The following STARD10 variants were observed in gnomAD, a reference collection of about 807,000 sequenced individuals.
STARD10 encodes the protein StAR related lipid transfer domain containing 10, also known as START domain-containing protein 10.
Under a neutral mutation model 36.0 loss-of-function variants are expected in STARD10, and 24 were observed. The ratio of observed to expected loss-of-function variants is 0.67; its 90% CI spans 0.48 to 0.94. STARD10 has a LOEUF of 0.94. Ranked by LOEUF, STARD10 falls within the 40% of genes least tolerant of loss-of-function variation. The pLI, the probability that STARD10 is intolerant of heterozygous loss-of-function variation, is 0.00. For synonymous variants in STARD10, 156 were observed against 161.9 expected (o/e 0.96, Z 0.28); for missense variants, 335 against 396.6 (o/e 0.84, Z 1.32).
chr11:72,784,167 T>C (rs1565244975), intron 1 of STARD10, among the ~76,000 whole-genome samples: 1 of 152,140 alleles, frequency 6.6e-6, no homozygotes, highest in Non-Finnish European at 1.5e-5. Context: ...CAAAGCCCAT[T>C]CATATCCTTC....
rs562923332 is a variant in STARD10 at position 72,785,027 on chromosome 11, C to T, written c.-113-3733G>A. ...AACTCAGGATTGATCTAGACTCCTG[C>T]AACCGGGGAAGGGAGCACTTGGAAA... On this transcript the variant is annotated intron_variant, in intron 1 of 6. Transcript: ENST00000334805. Among the ~76,000 whole-genome samples, 9 of 152,312 alleles carry T rather than the reference C, an allele frequency of 5.9e-5. No individual in the cohort carries two copies. In the Middle Eastern group the frequency reaches 0.01, roughly 173 times the overall value.
chr11:72,780,237 G>A, intron 2 of STARD10: 1 of 410,266 alleles, frequency 2.4e-6, no homozygotes, highest in Non-Finnish European at 5.0e-6. Flanking sequence ...AGCCTGCCCT[G>A]CACGGCAAAG....
At chr11:72,780,246 A>G (rs1389953360) in intron 2 of STARD10, 1 of 403,582 alleles carries the variant, frequency 2.5e-6, no homozygotes, top group Admixed American at 2.7e-5. Context: ...TGCACGGCAA[A>G]GAGAGGAGAA....
At chr11:72,755,968 C>T (rs2291292) in intron 5 of STARD10, 59,662 of 488,300 alleles carry the variant, frequency 0.12, 5,284 homozygotes, top group African/African-American at 0.33. Flanking sequence ...TTCCCTCTGC[C>T]CAGCCTCAAA....
chr11:72,782,428 C>G (rs552402957), intron 1 of STARD10: 37 of 152,410 alleles, frequency 2.4e-4, no homozygotes, highest in African/African-American at 8.9e-4. Flanking sequence ...GGTTCACAAG[C>G]TGGCCAGATG....
intron 2 of STARD10, among the ~76,000 whole-genome samples, 190 bp from the exon 3 acceptor site, chr11:72,759,571 G>A (rs979307761): frequency 6.6e-6 from 1 of 152,140 alleles, no homozygotes; most frequent in Admixed American, 6.6e-5. Context: ...CCTGTGCCAG[G>A]AGACAGACAG....
intron 2 of STARD10, among the ~76,000 whole-genome samples, chr11:72,769,854 C>T (rs1255090800): frequency 6.6e-6 from 1 of 152,196 alleles, no homozygotes; most frequent in Non-Finnish European, 1.5e-5. Flanking sequence ...TGATGACGCA[C>T]ATCACAGAGG....
chr11:72,779,429 T>C (rs964188702), intron 2 of STARD10, among the ~76,000 whole-genome samples: 1 of 152,088 alleles, frequency 6.6e-6, no homozygotes, highest in African/African-American at 2.4e-5. Context: ...CTATCTCTAC[T>C]ACAAATACAA....
At position 72,766,904 on chromosome 11, in the gene STARD10, A is replaced by T. The variant is rs184301502; in HGVS notation, c.208-7523T>A. Reference sequence around the variant, plus strand: ...GGACGCCAGTATCCTTGCCCATGGGATATGTGGGGCACACAGATTATCCCA... The same window carrying T: ...GGACGCCAGTATCCTTGCCCATGGGTTATGTGGGGCACACAGATTATCCCA... On this transcript the variant is annotated intron_variant, in intron 2 of 6. Coordinates refer to ENST00000334805, the MANE Select transcript of STARD10 (RefSeq NM_006645.3). Among the ~76,000 whole-genome samples the T allele has an allele frequency of 8.1e-4, 124 of 152,264 alleles. 1 individual carries two copies. The highest frequency in any genetic ancestry group is 2.7e-3 in the African/African-American group (114 of 41,548).
intron 1 of STARD10, among the ~76,000 whole-genome samples, chr11:72,789,246 C>A (rs1859112797): frequency 6.6e-6 from 1 of 152,196 alleles, no homozygotes; most frequent in African/African-American, 2.4e-5. Flanking sequence ...CAGTGCCTGG[C>A]ACACAGTGAG....
At chr11:72,773,381 G>C (rs531488407) in intron 2 of STARD10, among the ~76,000 whole-genome samples, 1 of 152,332 alleles carries the variant, frequency 6.6e-6, no homozygotes, top group South Asian at 2.1e-4. Context: ...GCTTCAGAAG[G>C]GGAAACCACA....
intron 2 of STARD10, among the ~76,000 whole-genome samples, chr11:72,777,761 G>T (rs1467524878): frequency 1.3e-5 from 2 of 152,262 alleles, no homozygotes; most frequent in African/African-American, 4.8e-5. Flanking sequence ...TTGAGCCACA[G>T]TGGCTTCCAG....
At chr11:72,780,452 T>G in intron 2 of STARD10, 1 of 445,982 alleles carries the variant, frequency 2.2e-6, no homozygotes, top group Non-Finnish European at 4.5e-6. Context: ...TGCAGGAGGC[T>G]AAGGGAGCAG....
chr11:72,768,752 C>G (rs112001198), intron 2 of STARD10, among the ~76,000 whole-genome samples: 8 of 152,360 alleles, frequency 5.3e-5, no homozygotes, highest in South Asian at 2.1e-4. Context: ...GCAGCTCCCC[C>G]CTCAGCATGC....
intron 1 of STARD10, among the ~76,000 whole-genome samples, chr11:72,791,244 G>A (rs1319861254): frequency 1.3e-5 from 2 of 152,166 alleles, no homozygotes; most frequent in Non-Finnish European, 2.9e-5. Flanking sequence ...TTAAAAGCCA[G>A]GTCTGAGGGC....
Position 72,763,797 on chromosome 11 carries a change from C to T in STARD10, c.208-4416G>A, listed in dbSNP as rs553436449. Among the ~76,000 whole-genome samples the T allele has an allele frequency of 3.3e-4, 50 of 152,292 alleles. 1 individual carries two copies. The highest frequency in any genetic ancestry group is 1.0e-3 in the African/African-American group (43 of 41,564). On this transcript the variant is annotated intron_variant, in intron 2 of 6. Coordinates refer to ENST00000334805, the MANE Select transcript of STARD10 (RefSeq NM_006645.3). ...GTTAGCATCCAAACAGCCTCCTAAGCGGCCACAGGGAGGTCCAGGCACTGC... is the reference window on the plus strand; with the variant it reads ...GTTAGCATCCAAACAGCCTCCTAAGTGGCCACAGGGAGGTCCAGGCACTGC...
At chr11:72,761,758 A>C (rs1469544737) in intron 2 of STARD10, among the ~76,000 whole-genome samples, 14 of 152,046 alleles carry the variant, frequency 9.2e-5, no homozygotes, top group Admixed American at 5.2e-4. Flanking sequence ...AACAAACAAA[A>C]AAAAAGCAGC....
At chr11:72,764,786 G>A (rs1335218924) in intron 2 of STARD10, among the ~76,000 whole-genome samples, 3 of 152,226 alleles carry the variant, frequency 2.0e-5, no homozygotes, top group African/African-American at 7.2e-5. Context: ...GGCCCTGGCT[G>A]AGTGAGTGTC....
At chr11:72,759,468 G>A in intron 2 of STARD10, 87 bp from the exon 3 acceptor site, 3 of 1,509,510 alleles carry the variant, frequency 2.0e-6, no homozygotes, top group East Asian at 2.3e-5. Flanking sequence ...CAGAGGGGGA[G>A]GAAGAGAAAG....
Sources: allele counts gnomAD v4.1 joint callset (sites outside exome capture counted in the v4.1 genomes callset), GRCh38; gene constraint gnomAD v4.1.1; transcripts MANE v1.5; gene names NCBI Gene and HGNC (gene_info 2026-07-23, HGNC 2026-07-21).